Variants in STON2 observed in about 807,000 individuals in gnomAD.
STON2 encodes the protein stonin-2.
STON2 carries 29 observed loss-of-function variants against 65.7 expected under a neutral mutation model. That is an observed-to-expected ratio of 0.44 (90% CI 0.33 to 0.60). The LOEUF (loss-of-function observed/expected upper bound fraction) is 0.60, where lower values mean the gene tolerates loss of function less well. Ranked by LOEUF, STON2 falls within the 20% of genes least tolerant of loss-of-function variation. STON2 has a pLI of 0.03. For synonymous variants in STON2, 404 were observed against 414.2 expected (o/e 0.98, Z 0.30); for missense variants, 1,054 against 1,118.1 (o/e 0.94, Z 0.82).
At chr14:81,299,563 C>T (rs552454922) in intron 5 of STON2, among the ~76,000 whole-genome samples, 3 of 152,294 alleles carry the variant, frequency 2.0e-5, no homozygotes, top group East Asian at 3.9e-4. Flanking sequence ...TGGGCTGTTG[C>T]TGTTTTCAGT....
intron 1 of STON2, among the ~76,000 whole-genome samples, chr14:81,433,808 G>A (rs1457513449): frequency 6.6e-6 from 1 of 152,184 alleles, no homozygotes; most frequent in Non-Finnish European, 1.5e-5. Context: ...ACTTACACTG[G>A]ACATGCAGCA....
At chr14:81,358,046 T>C (rs913248821) in intron 4 of STON2, among the ~76,000 whole-genome samples, 1 of 150,774 alleles carries the variant, frequency 6.6e-6, no homozygotes, top group Non-Finnish European at 1.5e-5. Flanking sequence ...AAAAATAAAA[T>C]TAAAAAAATT....
intron 3 of STON2, among the ~76,000 whole-genome samples, chr14:81,382,284 G>A (rs1433190035): frequency 6.6e-6 from 1 of 152,062 alleles, no homozygotes; most frequent in Non-Finnish European, 1.5e-5. Context: ...TGGATAAATG[G>A]ATTGTAGCAT....
At chr14:81,269,718 T>G (rs1037045587) in intron 7 of STON2, 5 of 985,058 alleles carry the variant, frequency 5.1e-6, no homozygotes, top group Non-Finnish European at 6.0e-6. Flanking sequence ...TTATTATAAA[T>G]AGAAAACCAC....
chr14:81,269,690 C>T, intron 7 of STON2: 5 of 985,148 alleles, frequency 5.1e-6, no homozygotes, highest in Non-Finnish European at 6.0e-6. Context: ...AATAAATCAC[C>T]ATATAAATCC....
At chr14:81,357,728 G>T (rs1343497005) in intron 4 of STON2, among the ~76,000 whole-genome samples, 1 of 152,156 alleles carries the variant, frequency 6.6e-6, no homozygotes, top group African/African-American at 2.4e-5. Context: ...ATGAGTTCTT[G>T]TCCTTTGTAG....
chr14:81,387,587 T>C (rs1036464170), intron 3 of STON2, among the ~76,000 whole-genome samples: 4 of 152,112 alleles, frequency 2.6e-5, no homozygotes, highest in African/African-American at 7.2e-5. Context: ...ATATATATGG[T>C]TATACAAAGG....
At chr14:81,332,957 C>T in intron 4 of STON2, 2 of 450,940 alleles carry the variant, frequency 4.4e-6, no homozygotes, top group Non-Finnish European at 8.2e-6. Flanking sequence ...CACTGCTAGA[C>T]ACCTCATTTC....
At chr14:81,280,144 TAAA>T (rs1396737538) in intron 5 of STON2, among the ~76,000 whole-genome samples, 1 of 152,162 alleles carries the variant, frequency 6.6e-6, no homozygotes, top group Non-Finnish European at 1.5e-5. Context: ...TTTTTTATGA[TAAA>T]AAGGTTATTA....
At chr14:81,268,630 T>C (rs1894451356) in intron 7 of STON2, 133 bp from the exon 8 acceptor site, 6 of 1,233,852 alleles carry the variant, frequency 4.9e-6, no homozygotes, top group Non-Finnish European at 6.2e-6. Flanking sequence ...GTTAGCCACA[T>C]TGGAGCTACT....
At chr14:81,365,756 A>C (rs1241303447) in intron 4 of STON2, among the ~76,000 whole-genome samples, 1 of 152,154 alleles carries the variant, frequency 6.6e-6, no homozygotes, top group Non-Finnish European at 1.5e-5. Context: ...ACTCTGTCTC[A>C]AAATAAAAAA....
At chr14:81,427,409 C>T (rs375528155) in intron 1 of STON2, 1 of 152,204 alleles carries the variant, frequency 6.6e-6, no homozygotes, top group East Asian at 1.9e-4. Flanking sequence ...GCCAAGTCAC[C>T]CAGACCGGAG....
At chr14:81,283,941 CAACATTCA>C (rs1895234045) in intron 5 of STON2, among the ~76,000 whole-genome samples, 2 of 152,294 alleles carry the variant, frequency 1.3e-5, no homozygotes, top group African/African-American at 4.8e-5. Context: ...GTAATTCTCG[CAACATTCA>C]AACATTTTCA....
intron 5 of STON2, among the ~76,000 whole-genome samples, chr14:81,281,010 CAAAA>C (rs796161809): frequency 3.2e-5 from 2 of 63,046 alleles, no homozygotes. Flanking sequence ...AACTCCGTCT[CAAAA>C]AAAAAAAAAA....
At position 81,378,090 on chromosome 14, in the gene STON2, C is replaced by G. The variant is rs575434490; in HGVS notation, c.374-6905G>C. Among the ~76,000 whole-genome samples, 5 of 152,270 alleles carry G rather than the reference C, an allele frequency of 3.3e-5. No individual in the cohort carries two copies. The East Asian group carries it at 9.7e-4, about 29-fold the overall frequency. On this transcript the variant is annotated intron_variant, in intron 3 of 7. Transcript: ENST00000614646. Reference sequence around the variant, plus strand: ...TCAAACTCTCGACCTCAAGTGACAGCCCACCTTGGCCTCCCAAAGTGCTGG... The same window carrying G: ...TCAAACTCTCGACCTCAAGTGACAGGCCACCTTGGCCTCCCAAAGTGCTGG...
intron 4 of STON2, among the ~76,000 whole-genome samples, 165 bp downstream of exon 4, chr14:81,370,823 T>C (rs1271275384): frequency 6.6e-6 from 1 of 152,224 alleles, no homozygotes. Context: ...TCTTCCCCAA[T>C]GCAATTTCCA....
chr14:81,327,363 C>G (rs560656282), intron 4 of STON2, among the ~76,000 whole-genome samples: 1 of 152,112 alleles, frequency 6.6e-6, no homozygotes, highest in African/African-American at 2.4e-5. Flanking sequence ...GAACCTGGTT[C>G]TTTGCCAGAA....
intron 4 of STON2, among the ~76,000 whole-genome samples, chr14:81,351,625 A>C (rs1898029291): frequency 1.3e-5 from 2 of 152,262 alleles, no homozygotes; most frequent in Admixed American, 6.5e-5. Flanking sequence ...ACAAAGGTGC[A>C]AAATTTTGAA....
At chr14:81,331,697 G>A (rs1389628624) in intron 4 of STON2, among the ~76,000 whole-genome samples, 1 of 152,204 alleles carries the variant, frequency 6.6e-6, no homozygotes, top group East Asian at 1.9e-4. Flanking sequence ...GACCTATGTT[G>A]AAGCCGTTGG....
Sources: gnomAD v4.1 joint callset for allele counts (sites outside exome capture counted in the v4.1 genomes callset) on GRCh38, gnomAD v4.1.1 for gene constraint, MANE v1.5 for transcripts, NCBI Gene and HGNC (gene_info 2026-07-23, HGNC 2026-07-21) for gene names.